The following CLSTN2 variants were observed in gnomAD, a reference collection of about 807,000 sequenced individuals.
The protein encoded by CLSTN2 is calsyntenin 2, also known as calsyntenin-2.
A neutral mutation model predicts 101.2 loss-of-function variants in CLSTN2; 48 were observed. That is an observed-to-expected ratio of 0.47 (90% CI 0.38 to 0.60). CLSTN2 has a LOEUF of 0.60. Among genes scored for constraint, CLSTN2 ranks in the 20% least tolerant of loss-of-function variants. CLSTN2 has a pLI of 0.00. For missense variants in CLSTN2, 1,160 were observed against 1,238.2 expected, an observed-to-expected ratio of 0.94 and a Z score of 0.95; for synonymous variants, 481 against 463.6, an observed-to-expected ratio of 1.04 and a Z score of -0.48.
intron 2 of CLSTN2, among the ~76,000 whole-genome samples, chr3:140,231,932 T>C (rs1471485581): frequency 6.6e-6 from 1 of 152,218 alleles, no homozygotes; most frequent in East Asian, 1.9e-4. Context: ...GCTTTGTGAC[T>C]TTGGGCAAGT....
At chr3:140,184,558 G>C (rs79148296) in intron 2 of CLSTN2, among the ~76,000 whole-genome samples, 2 of 152,074 alleles carry the variant, frequency 1.3e-5, no homozygotes, top group Admixed American at 1.3e-4. Context: ...ATTACAATTC[G>C]AGATGAGATT....
chr3:140,566,492 T>A lies in CLSTN2; in HGVS notation c.*239T>A, dbSNP rs12494698. On this transcript the variant is annotated 3_prime_UTR_variant, in exon 17 of 17. Coordinates refer to ENST00000458420, the MANE Select transcript of CLSTN2 (RefSeq NM_022131.3). The stretch of plus-strand genomic sequence containing the variant: ...TCAGGGTAGACTTTGTCCTGTAGCC[T>A]CCACTTCTGCCCTAAGTTCCCCAGC... 1.9e-6 allele frequency: 1 copy of A among 538,276 alleles called. No homozygotes were observed. Among genetic ancestry groups the A allele is most frequent in the South Asian group, 2.6e-5 (1 of 38,048 alleles). The allele number at this position is 538,276 out of a possible 1,614,324, so 33.3% of individuals were successfully genotyped here. A position where few individuals can be genotyped will look rare whatever the true frequency, so the allele number is the denominator to read the frequency against.
chr3:140,471,678 G>A (rs1179377353), intron 8 of CLSTN2, among the ~76,000 whole-genome samples: 1 of 152,198 alleles, frequency 6.6e-6, no homozygotes, highest in Non-Finnish European at 1.5e-5. Flanking sequence ...GTGGGAAGAA[G>A]CATCAAGATG....
chr3:140,477,341 C>A (rs1248517217), intron 8 of CLSTN2, among the ~76,000 whole-genome samples: 1 of 152,212 alleles, frequency 6.6e-6, no homozygotes, highest in East Asian at 1.9e-4. Flanking sequence ...GAAGCAGCTA[C>A]TGCATCCCTT....
intron 1 of CLSTN2, among the ~76,000 whole-genome samples, chr3:140,078,544 C>T (rs2008532317): frequency 6.6e-6 from 1 of 152,176 alleles, no homozygotes; most frequent in South Asian, 2.1e-4. Flanking sequence ...TCTTCAATGA[C>T]TGACAGGTGA....
At chr3:140,145,880 T>C (rs1331141644) in intron 1 of CLSTN2, among the ~76,000 whole-genome samples, 1 of 152,236 alleles carries the variant, frequency 6.6e-6, no homozygotes, top group African/African-American at 2.4e-5. Flanking sequence ...TATAGAACAT[T>C]GTGTCTGATG....
chr3:140,426,841 C>T (rs1432198827), intron 5 of CLSTN2, among the ~76,000 whole-genome samples: 1 of 152,052 alleles, frequency 6.6e-6, no homozygotes, highest in Non-Finnish European at 1.5e-5. Flanking sequence ...TGGTATTTTC[C>T]ACCTTTAGCA....
chr3:140,541,753 C>T (rs1266419382), intron 9 of CLSTN2, among the ~76,000 whole-genome samples: 2 of 152,172 alleles, frequency 1.3e-5, no homozygotes, highest in Non-Finnish European at 2.9e-5. Context: ...GCCACAGTCA[C>T]ACACCCACCT....
At chr3:140,135,087 AACACACACACACACACAC>A (rs780837347) in intron 1 of CLSTN2, among the ~76,000 whole-genome samples, 2 of 51,392 alleles carry the variant, frequency 3.9e-5, no homozygotes, top group African/African-American at 1.1e-4. Flanking sequence ...CTCTCAAAAA[AACACACACACACACACAC>A]ACACACACAC....
At chr3:140,176,400 A>G (rs551031252) in intron 2 of CLSTN2, among the ~76,000 whole-genome samples, 47 of 152,314 alleles carry the variant, frequency 3.1e-4, no homozygotes, top group Non-Finnish European at 4.9e-4. Flanking sequence ...TTACCCATAG[A>G]GAGAAGACCT....
At chr3:140,267,241 A>G (rs1007993032) in intron 2 of CLSTN2, among the ~76,000 whole-genome samples, 3 of 152,318 alleles carry the variant, frequency 2.0e-5, no homozygotes, top group African/African-American at 7.2e-5. Flanking sequence ...TCATCCATTT[A>G]AAACCTCATA....
chr3:140,381,996 T>C (rs1413747708), intron 2 of CLSTN2, among the ~76,000 whole-genome samples: 1 of 152,218 alleles, frequency 6.6e-6, no homozygotes, highest in African/African-American at 2.4e-5. Flanking sequence ...AGATTCCCTT[T>C]CTGTTCCATA....
chr3:140,489,812 G>A (rs1359311872), intron 8 of CLSTN2, among the ~76,000 whole-genome samples: 1 of 151,174 alleles, frequency 6.6e-6, no homozygotes, highest in African/African-American at 2.4e-5. Flanking sequence ...ACTGTGGCTT[G>A]GAAAGATTAG....
chr3:140,532,150 T>A (rs1576614822), intron 8 of CLSTN2, among the ~76,000 whole-genome samples, 174 bp from the exon 9 acceptor site: 1 of 152,208 alleles, frequency 6.6e-6, no homozygotes, highest in Non-Finnish European at 1.5e-5. Context: ...CCCCATCATG[T>A]TTGATGACAA....
chr3:140,290,410 AG>A (rs1468724614), intron 2 of CLSTN2, among the ~76,000 whole-genome samples: 3 of 152,268 alleles, frequency 2.0e-5, no homozygotes, highest in African/African-American at 7.2e-5. Context: ...CCCGAGCATT[AG>A]GAAGGGGTTC....
At chr3:140,038,979 A>T (rs16849739) in intron 1 of CLSTN2, among the ~76,000 whole-genome samples, 17,230 of 152,128 alleles carry the variant, frequency 0.11, 1,207 homozygotes, top group East Asian at 0.2. Flanking sequence ...ACTTGACTTC[A>T]TTGGTCTTGG....
At chr3:140,190,985 C>T (rs2010558191) in intron 2 of CLSTN2, among the ~76,000 whole-genome samples, 1 of 151,996 alleles carries the variant, frequency 6.6e-6, no homozygotes, top group Non-Finnish European at 1.5e-5. Flanking sequence ...ATATCCTTGC[C>T]TTGTTCCCAG....
intron 1 of CLSTN2, among the ~76,000 whole-genome samples, chr3:140,165,169 T>C (rs930152659): frequency 6.6e-6 from 1 of 152,230 alleles, no homozygotes; most frequent in African/African-American, 2.4e-5. Context: ...TTTAAAACTC[T>C]CTAATTGGTA....
At chr3:140,379,607 A>G (rs1371958901) in intron 2 of CLSTN2, among the ~76,000 whole-genome samples, 1 of 152,226 alleles carries the variant, frequency 6.6e-6, no homozygotes, top group Non-Finnish European at 1.5e-5. Flanking sequence ...GCTTCATTCT[A>G]AAGTAAAATA....
Sources: allele counts gnomAD v4.1 joint callset (sites outside exome capture counted in the v4.1 genomes callset), GRCh38; gene constraint gnomAD v4.1.1; transcripts MANE v1.5; gene names NCBI Gene and HGNC (gene_info 2026-07-23, HGNC 2026-07-21).